Variants in NOSTRIN observed in about 807,000 individuals in gnomAD.
NOSTRIN encodes the protein nitric oxide synthase trafficking.
Under a neutral mutation model 59.0 loss-of-function variants are expected in NOSTRIN, and 63 were observed. The observed-to-expected ratio is 1.07, with a 90% CI of 0.87 to 1.32. The LOEUF (loss-of-function observed/expected upper bound fraction) is 1.32, where lower values mean the gene tolerates loss of function less well. Among genes scored for constraint, NOSTRIN ranks in the 40% most tolerant of loss-of-function variants. NOSTRIN has a pLI of 0.00. For synonymous variants in NOSTRIN, 200 were observed against 165.4 expected (o/e 1.21, Z -1.61); for missense variants, 512 against 473.1 (o/e 1.08, Z -0.76).
intron 8 of NOSTRIN, among the ~76,000 whole-genome samples, chr2:168,846,850 T>C (rs186400102): frequency 6.6e-6 from 1 of 152,212 alleles, no homozygotes; most frequent in South Asian, 2.1e-4. Flanking sequence ...GGATGGCACT[T>C]GAGTAGTCCC....
At chr2:168,860,386 C>T (rs1023748858) in intron 13 of NOSTRIN, among the ~76,000 whole-genome samples, 4 of 152,158 alleles carry the variant, frequency 2.6e-5, no homozygotes, top group African/African-American at 7.2e-5. Context: ...TTAAAAACTT[C>T]CAGTCCAGGC....
At chr2:168,802,194 A>G (rs1188345247), upstream of NOSTRIN, among the ~76,000 whole-genome samples, 1 of 152,156 alleles carries the variant, frequency 6.6e-6, no homozygotes. Context: ...TAACCCTCAG[A>G]GAGGCAGTCT....
chr2:168,829,550 A>AC (rs1207359962), intron 5 of NOSTRIN, among the ~76,000 whole-genome samples: 2 of 152,014 alleles, frequency 1.3e-5, no homozygotes, highest in African/African-American at 4.8e-5. Context: ...CCAACTCCTG[A>AC]CCTCAGGTGA....
intron 2 of NOSTRIN, among the ~76,000 whole-genome samples, chr2:168,820,896 C>T (rs1189180206): frequency 1.3e-5 from 2 of 152,126 alleles, no homozygotes; most frequent in Non-Finnish European, 2.9e-5. Context: ...GTACAGTCTG[C>T]AAGAACATTC....
In NOSTRIN at chr2:168,851,363, T is replaced by C; in HGVS notation, c.814T>C (p.Ser272Pro). The C allele has an allele frequency of 1.9e-6, 3 of 1,613,254 alleles. No homozygotes were observed. In the South Asian group the frequency reaches 3.3e-5, roughly 18 times the overall value. Residue 272 changes from serine (S) to proline (P), a missense_variant, in exon 10 of 16, where the codon TCT (serine) becomes CCT (proline). Physicochemically the swap from Ser to Pro is moderately conservative, Grantham distance 74. Transcript: ENST00000317647. The part of the protein sequence containing the change: ...QAVMEETAIL[S>P]TENKSEFLLT... ...TGTAATGGAAGAAACTGCAATTTTATCTACAGAAAACAAATCTGAGTTCCT... is the reference window on the plus strand; with the variant it reads ...TGTAATGGAAGAAACTGCAATTTTACCTACAGAAAACAAATCTGAGTTCCT...
chr2:168,821,459 A>G lies in NOSTRIN; in HGVS notation c.114-3175A>G, dbSNP rs532361715. ...ATTCATTCATTCATTTGTGACATAC[A>G]TACTGAGTGCCTGTTATGTGCCAAG... On this transcript the variant is annotated intron_variant, in intron 2 of 15. Transcript: ENST00000317647. Among the ~76,000 whole-genome samples the G allele has an allele frequency of 2.6e-5, 4 of 152,354 alleles. No homozygotes were observed. The East Asian group carries it at 5.8e-4, about 22-fold the overall frequency.
At chr2:168,814,270 A>G (rs1277017232) in intron 2 of NOSTRIN, among the ~76,000 whole-genome samples, 3 of 152,210 alleles carry the variant, frequency 2.0e-5, no homozygotes, top group Non-Finnish European at 4.4e-5. Flanking sequence ...TGAGTCAACA[A>G]TTATGTTGGT....
At chr2:168,802,367 G>T, upstream of NOSTRIN, 1 of 404,038 alleles carries the variant, frequency 2.5e-6, no homozygotes, top group Non-Finnish European at 4.6e-6. Flanking sequence ...TTCTCTCAAT[G>T]TTACGCTGTT....
At chr2:168,860,385 T>A (rs1689360583) in intron 13 of NOSTRIN, among the ~76,000 whole-genome samples, 1 of 152,162 alleles carries the variant, frequency 6.6e-6, no homozygotes, top group South Asian at 2.1e-4. Flanking sequence ...TTTAAAAACT[T>A]CCAGTCCAGG....
chr2:168,859,821 G>A (rs376065024), intron 13 of NOSTRIN, among the ~76,000 whole-genome samples, 184 bp downstream of exon 13: 3 of 152,126 alleles, frequency 2.0e-5, no homozygotes, highest in South Asian at 2.1e-4. Context: ...AGACAAAACC[G>A]AATACATTCT....
At chr2:168,826,703 A>C (rs527909205) in intron 3 of NOSTRIN, among the ~76,000 whole-genome samples, 18 of 152,322 alleles carry the variant, frequency 1.2e-4, no homozygotes, top group Admixed American at 3.3e-4. Flanking sequence ...AATGTGCCTG[A>C]CTTCATTTTT....
intron 14 of NOSTRIN, 146 bp downstream of exon 14, chr2:168,861,055 CTG>C: frequency 1.7e-6 from 1 of 593,786 alleles, no homozygotes; most frequent in Non-Finnish European, 3.0e-6. Context: ...TTGTTAGACT[CTG>C]TAGCTTTATG....
intron 2 of NOSTRIN, among the ~76,000 whole-genome samples, chr2:168,792,314 T>A (rs940991237): frequency 1.3e-5 from 2 of 152,086 alleles, no homozygotes; most frequent in African/African-American, 4.8e-5. Flanking sequence ...AAAAATTTAG[T>A]GAAAGAAAAA....
intron 15 of NOSTRIN, chr2:168,863,437 C>CAAAGA (rs1689609674): frequency 1.0e-6 from 1 of 984,938 alleles, no homozygotes; most frequent in African/African-American, 1.7e-5. Context: ...AGAATGATGC[C>CAAAGA]AAATAAAAAG....
chr2:168,834,053 G>A, intron 6 of NOSTRIN, 174 bp from the exon 7 acceptor site: 1 of 539,848 alleles, frequency 1.9e-6, no homozygotes, highest in South Asian at 2.7e-5. Context: ...ATTTTGAAGT[G>A]AGGATGGGAA....
At chr2:168,860,499 C>A (rs1361300948) in intron 13 of NOSTRIN, among the ~76,000 whole-genome samples, 6 of 152,186 alleles carry the variant, frequency 3.9e-5, no homozygotes, top group African/African-American at 1.4e-4. Context: ...GGTGAAACCC[C>A]GTCTCTACTA....
intron 14 of NOSTRIN, 112 bp from the exon 15 acceptor site, chr2:168,861,848 A>C (rs1689469578): frequency 2.1e-6 from 2 of 974,300 alleles, no homozygotes; most frequent in Non-Finnish European, 3.1e-6. Context: ...CCTTTTGAGA[A>C]AAATTTAATA....
At chr2:168,792,095 T>C (rs1685371287) in intron 2 of NOSTRIN, among the ~76,000 whole-genome samples, 1 of 152,312 alleles carries the variant, frequency 6.6e-6, no homozygotes, top group African/African-American at 2.4e-5. Context: ...TAGGTTTTCT[T>C]CTAGGGTTTT....
intron 2 of NOSTRIN, among the ~76,000 whole-genome samples, chr2:168,819,184 C>A (rs1288394948): frequency 6.6e-6 from 1 of 152,082 alleles, no homozygotes; most frequent in Non-Finnish European, 1.5e-5. Context: ...GCATGTGGTA[C>A]TTTTTCAGCT....
Sources: allele counts gnomAD v4.1 joint callset (sites outside exome capture counted in the v4.1 genomes callset), GRCh38; gene constraint gnomAD v4.1.1; transcripts MANE v1.5; gene names NCBI Gene and HGNC (gene_info 2026-07-23, HGNC 2026-07-21).